NUP43: variants seen among roughly 807,000 people sequenced by gnomAD.
NUP43 encodes the protein nucleoporin 43.
In NUP43, 32 loss-of-function variants were observed where a neutral mutation model predicts 47.3. The observed-to-expected ratio is 0.68, with a 90% CI of 0.51 to 0.91. The LOEUF is 0.91. Ranked by LOEUF, NUP43 falls within the 40% of genes least tolerant of loss-of-function variation. The pLI is 0.00. For missense variants in NUP43, 444 were observed against 453.9 expected (o/e 0.98, Z 0.20); for synonymous variants, 147 against 158.4 (o/e 0.93, Z 0.54).
chr6:149,742,338 T>G, intron 4 of NUP43, 52 bp downstream of exon 4: 1 of 1,563,360 alleles, frequency 6.4e-7, no homozygotes. Context: ...ACTTTTGTAT[T>G]TTTAGAAGAG....
chr6:149,731,608 T>C lies in NUP43; in HGVS notation c.913+5A>G. 1 of 1,610,510 alleles carries C rather than the reference T, an allele frequency of 6.2e-7. No homozygotes were observed. The highest frequency in any genetic ancestry group is 8.5e-7 in the Non-Finnish European group (1 of 1,178,816). On this transcript the variant is annotated splice_donor_5th_base_variant and intron_variant, in intron 7 of 7. Coordinates refer to ENST00000340413, the MANE Select transcript of NUP43 (RefSeq NM_198887.3). ...CACATAACAGTATTCATTAAAAAGTTTTACCTTGGTGAAAGAGTGACGACT... is the reference window on the plus strand; with the variant it reads ...CACATAACAGTATTCATTAAAAAGTCTTACCTTGGTGAAAGAGTGACGACT...
In NUP43 at chr6:149,738,709, G is replaced by A; in HGVS notation, c.572C>T (p.Ser191Leu). The A allele has an allele frequency of 6.3e-7, 1 of 1,594,344 alleles. No homozygotes were observed. Among genetic ancestry groups the A allele is most frequent in the Non-Finnish European group, 8.5e-7 (1 of 1,170,186 alleles). The part of the protein sequence containing the change: ...LRTPEILTVN[S>L]IGQLKIWDFR... ...ATCCCATATTTTCAACTGTCCAATT[G>A]AATTTACAGTAAGAATCTCAGGAGT... Residue 191 changes from serine to leucine, a missense_variant, in exon 5 of 8, where the codon TCA (serine) becomes TTA (leucine). Ser to Leu is a moderately radical substitution (Grantham distance 145). Coordinates refer to ENST00000340413, the MANE Select transcript of NUP43 (RefSeq NM_198887.3).
chr6:149,727,452 T>A, intron 7 of NUP43: 1 of 984,452 alleles, frequency 1.0e-6, no homozygotes, highest in Non-Finnish European at 1.2e-6. Context: ...TGATTTCAAC[T>A]GACTTTCTGT....
Position 149,746,078 on chromosome 6 carries a change from T to C in NUP43, c.121-16A>G, listed in dbSNP as rs372270165. ...TATAATTTTCCTGTAAAACAGAAAGTTTTGTCTTGAGATGACATAAACGTC... is the reference window on the plus strand; with the variant it reads ...TATAATTTTCCTGTAAAACAGAAAGCTTTGTCTTGAGATGACATAAACGTC... On this transcript the variant is annotated splice_polypyrimidine_tract_variant and intron_variant, in intron 1 of 7. Transcript: ENST00000340413. 1.2e-4 allele frequency: 190 copies of C among 1,607,520 alleles called. No individual in the cohort carries two copies. The highest frequency in any genetic ancestry group is 1.6e-4 in the Non-Finnish European group (188 of 1,178,658).
intron 5 of NUP43, among the ~76,000 whole-genome samples, chr6:149,737,606 C>G (rs1490458183): frequency 1.3e-5 from 2 of 152,006 alleles, no homozygotes; most frequent in Non-Finnish European, 2.9e-5. Flanking sequence ...AACTTAGTGG[C>G]TGGAGCTACT....
At chr6:149,730,411 G>A (rs906700572) in intron 7 of NUP43, among the ~76,000 whole-genome samples, 5 of 152,130 alleles carry the variant, frequency 3.3e-5, no homozygotes, top group African/African-American at 1.2e-4. Flanking sequence ...ATTTGCCACT[G>A]TCTATGCTAT....
chr6:149,724,784 T>G lies in NUP43; in HGVS notation c.*2185A>C, dbSNP rs1784735716. ...TTGCATTTTTAGTGGAGACGGGGTT[T>G]CGCCATGTTGGCCAGGCTGATCTCG... is the stretch of plus-strand genomic sequence containing the variant. On this transcript the variant is annotated 3_prime_UTR_variant, in exon 8 of 8. Transcript: ENST00000340413. The G allele has an allele frequency of 1.3e-5, 2 of 152,112 alleles. No homozygotes were observed. The highest frequency in any genetic ancestry group is 6.6e-5 in the Admixed American group (1 of 15,244). 9.4% of individuals were successfully genotyped at this position (152,112 alleles called of 1,614,324 possible).
chr6:149,746,684 A>G, upstream of NUP43: 1 of 1,541,362 alleles, frequency 6.5e-7, no homozygotes. Flanking sequence ...CCCATCTCAC[A>G]GAGCAGCTCT....
intron 7 of NUP43, 119 bp downstream of exon 7, chr6:149,731,494 C>T (rs1231723637): frequency 8.7e-6 from 7 of 804,176 alleles, no homozygotes; most frequent in East Asian, 6.0e-5. Context: ...ACCCAGGAGG[C>T]GGAGGTTGCA....
At chr6:149,743,597 CAAAA>C in intron 3 of NUP43, 37 bp downstream of exon 3, 5 of 1,145,010 alleles carry the variant, frequency 4.4e-6, no homozygotes, top group Middle Eastern at 2.7e-4. Context: ...AACTCCATTT[CAAAA>C]AAAAAAAAAA....
At chr6:149,740,283 A>AG (rs1395320167) in intron 4 of NUP43, among the ~76,000 whole-genome samples, 1 of 150,048 alleles carries the variant, frequency 6.7e-6, no homozygotes, top group African/African-American at 2.4e-5. Flanking sequence ...CTCAAAAAAA[A>AG]AAAAAAAAAA....
intron 1 of NUP43, 38 bp from the exon 2 acceptor site, chr6:149,746,100 C>A: frequency 6.3e-7 from 1 of 1,598,550 alleles, no homozygotes; most frequent in Non-Finnish European, 8.5e-7. Flanking sequence ...ATGACATAAA[C>A]GTCAACTCTC....
chr6:149,736,519 T>C lies in NUP43; in HGVS notation c.742A>G (p.Arg248Gly). 6.2e-7 allele frequency: 1 copy of C among 1,611,374 alleles called. No individual in the cohort carries two copies. Among genetic ancestry groups the C allele is most frequent in the Non-Finnish European group, 8.5e-7 (1 of 1,177,714 alleles). ...QDGMLSIWDV[R>G]QGTMPVSLLK... The stretch of plus-strand genomic sequence containing the variant: ...AGAGATACAGGCATAGTACCTTGTC[T>C]AACATCCCAAATACTCAACATTCCA... Residue 248 changes from arginine (R) to glycine (G), a missense_variant, in exon 6 of 8, where the codon AGA becomes GGA. Arg to Gly is a moderately radical substitution (Grantham distance 125). Transcript: ENST00000340413.
chr6:149,744,496 C>CT (rs1785857443), intron 2 of NUP43, among the ~76,000 whole-genome samples: 1 of 148,646 alleles, frequency 6.7e-6, no homozygotes, highest in Admixed American at 6.7e-5. Flanking sequence ...GCACTCCAGC[C>CT]TGGGTGACAG....
rs1267663767 is a variant in NUP43, at chr6:149,746,316, G to A, written c.120+60C>T. ...GTGGGAGTTGGCGCGCGGAAGGCCAGGGGTCAGCTCAACCGGAGAGAGGGA... is the reference window on the plus strand; with the variant it reads ...GTGGGAGTTGGCGCGCGGAAGGCCAAGGGTCAGCTCAACCGGAGAGAGGGA... On this transcript the variant is annotated intron_variant, in intron 1 of 7. Transcript: ENST00000340413. 3.1e-6 allele frequency: 5 copies of A among 1,594,110 alleles called. No homozygotes were observed. In the African/African-American group the frequency reaches 4.0e-5, roughly 13 times the overall value.
At position 149,736,545 on chromosome 6, in the gene NUP43, T is replaced by C. The variant is rs1785371328; in HGVS notation, c.716A>G (p.Asp239Gly). 1 of 1,612,222 alleles carries C rather than the reference T, an allele frequency of 6.2e-7. No individual in the cohort carries two copies. The highest frequency in any genetic ancestry group is 8.5e-7 in the Non-Finnish European group (1 of 1,178,402). Reference sequence around the variant, plus strand: ...AACATCCCAAATACTCAACATTCCATCTTGGCCACCAGTAGCTACAACATG... The same window carrying C: ...AACATCCCAAATACTCAACATTCCACCTTGGCCACCAGTAGCTACAACATG... ...QQHVVATGGQ[D>G]GMLSIWDVRQ... The change falls in exon 6 of 8, where the codon GAT becomes GGT. Residue 239 changes from aspartate (D) to glycine (G), a missense_variant. Coordinates refer to ENST00000340413, the MANE Select transcript of NUP43 (RefSeq NM_198887.3).
rs1418226082 is a variant in NUP43, at chr6:149,731,688, A to G, written c.838T>C (p.Cys280Arg). 9 of 1,613,584 alleles carry G rather than the reference A, an allele frequency of 5.6e-6. No individual in the cohort carries two copies. The highest frequency in any genetic ancestry group is 7.6e-6 in the Non-Finnish European group (9 of 1,179,660). ...TGCCAGAGGGATCCATCTTCAGAGC[A>G]GGTAAAAAGATGTTCTGGGTTGGAT... ...HPSNPEHLFT[C>R]SEDGSLWHWD... The change falls in exon 7 of 8, where the codon TGC becomes CGC. Residue 280 changes from cysteine (C) to arginine (R), a missense_variant. By Grantham distance (180) the Cys-to-Arg change is radical. Coordinates refer to ENST00000340413, the MANE Select transcript of NUP43 (RefSeq NM_198887.3).
At chr6:149,736,757 T>C (rs1446628302) in intron 5 of NUP43, 135 bp from the exon 6 acceptor site, 3 of 682,840 alleles carry the variant, frequency 4.4e-6, no homozygotes, top group Non-Finnish European at 4.8e-6. Context: ...GCTGCAATCA[T>C]TGCTTACTGT....
intron 2 of NUP43, among the ~76,000 whole-genome samples, chr6:149,745,244 C>A (rs933399444): frequency 1.3e-5 from 2 of 150,970 alleles, no homozygotes; most frequent in Non-Finnish European, 3.0e-5. Flanking sequence ...ATTAAAAATA[C>A]AAAAAATTAG....
Sources: allele counts gnomAD v4.1 joint callset (sites outside exome capture counted in the v4.1 genomes callset), GRCh38; gene constraint gnomAD v4.1.1; transcripts MANE v1.5; gene names NCBI Gene and HGNC (gene_info 2026-07-23, HGNC 2026-07-21).